LPA: variants seen among roughly 807,000 people sequenced by gnomAD.
The protein encoded by LPA is apolipoprotein(a).
LPA carries 199 observed loss-of-function variants against 197.9 expected under a neutral mutation model. The ratio of observed to expected loss-of-function variants is 1.01; its 90% CI spans 0.90 to 1.13. The LOEUF is 1.13. LPA is among the 50% of genes most tolerant of loss of function. The probability of loss-of-function intolerance (pLI) is 0.00; values close to 1 mark genes in which losing one functional copy is unlikely to be tolerated. For missense variants in LPA, 1,853 were observed against 1,785.8 expected (o/e 1.04, Z -0.68); for synonymous variants, 715 against 639.5 (o/e 1.12, Z -1.78).
At chr6:160,553,437 C>T (rs1328131923) in intron 30 of LPA, among the ~76,000 whole-genome samples, 1 of 152,054 alleles carries the variant, frequency 6.6e-6, no homozygotes, top group Non-Finnish European at 1.5e-5. Context: ...ATTTACATCA[C>T]GTTTATTTTA....
intron 26 of LPA, among the ~76,000 whole-genome samples, chr6:160,579,106 C>A (rs1778742022): frequency 6.6e-6 from 1 of 151,858 alleles, no homozygotes; most frequent in Non-Finnish European, 1.5e-5. Context: ...AGCTCTTTGT[C>A]TCTCTCTCTA....
chr6:160,647,258 C>G (rs1025950253), intron 2 of LPA, among the ~76,000 whole-genome samples: 2 of 152,042 alleles, frequency 1.3e-5, no homozygotes, highest in Non-Finnish European at 2.9e-5. Context: ...TATGGAGGAG[C>G]AAAAAACAAT....
chr6:160,611,117 T>C (rs144005062), intron 16 of LPA, among the ~76,000 whole-genome samples: 76 of 152,172 alleles, frequency 5.0e-4, no homozygotes, highest in Non-Finnish European at 7.8e-4. Flanking sequence ...CAGGTAGAAA[T>C]AGAAACAGAT....
chr6:160,575,559 C>T (rs933705346), intron 28 of LPA, among the ~76,000 whole-genome samples: 1 of 152,178 alleles, frequency 6.6e-6, no homozygotes, highest in Non-Finnish European at 1.5e-5. Flanking sequence ...TTCTGACTTG[C>T]TTTTCAATTT....
chr6:160,606,392 T>C (rs367750940), intron 17 of LPA, 85 bp downstream of exon 17: 18 of 1,541,446 alleles, frequency 1.2e-5, no homozygotes, highest in African/African-American at 6.8e-5. Flanking sequence ...CCGTTTACCA[T>C]TGGAGGCTGC....
In LPA at chr6:160,583,991, T is replaced by C. The variant is rs553728010; in HGVS notation, c.4289+1055A>G. On this transcript the variant is annotated intron_variant, in intron 26 of 38. Transcript: ENST00000316300. ...GAGGCCAGTTTTTGTCAGACATGCA[T>C]TTTTTTGTCCATGTACCTGCCCATT... Among the ~76,000 whole-genome samples, 8 of 152,276 alleles carry C rather than the reference T, an allele frequency of 5.3e-5. No individual in the cohort carries two copies. The South Asian group carries it at 1.7e-3, about 32-fold the overall frequency.
At chr6:160,597,408 T>C (rs544248388) in intron 20 of LPA, among the ~76,000 whole-genome samples, 3 of 152,320 alleles carry the variant, frequency 2.0e-5, no homozygotes, top group African/African-American at 7.2e-5. Context: ...ATGAACAATT[T>C]TTACTTCTCT....
intron 24 of LPA, 150 bp downstream of exon 24, chr6:160,589,403 C>T: frequency 1.1e-6 from 1 of 893,858 alleles, no homozygotes. Context: ...CTCTCAGACC[C>T]TGTGCCCAAA....
intron 30 of LPA, among the ~76,000 whole-genome samples, chr6:160,550,019 G>A (rs569935602): frequency 6.6e-6 from 1 of 152,284 alleles, no homozygotes; most frequent in Non-Finnish European, 1.5e-5. Context: ...TCAACAGAGC[G>A]AGACCATCTT....
At chr6:160,544,119 A>G (rs1169323926) in intron 33 of LPA, among the ~76,000 whole-genome samples, 1 of 152,200 alleles carries the variant, frequency 6.6e-6, no homozygotes, top group African/African-American at 2.4e-5. Context: ...AAGCTACTGC[A>G]CTTCCCTTCC....
chr6:160,606,882 G>A (rs545839613), intron 16 of LPA, among the ~76,000 whole-genome samples: 10 of 152,192 alleles, frequency 6.6e-5, no homozygotes, highest in African/African-American at 2.2e-4. Context: ...ATCTAAAGTA[G>A]CAAACGCTTC....
chr6:160,648,443 T>A (rs1346163390), intron 2 of LPA, among the ~76,000 whole-genome samples: 1 of 152,212 alleles, frequency 6.6e-6, no homozygotes, highest in Non-Finnish European at 1.5e-5. Context: ...TATATATTTC[T>A]GTTCCAATCT....
At chr6:160,593,238 A>G (rs1393182618) in intron 22 of LPA, among the ~76,000 whole-genome samples, 1 of 152,092 alleles carries the variant, frequency 6.6e-6, no homozygotes, top group Non-Finnish European at 1.5e-5. Flanking sequence ...GGGACATGAT[A>G]AGGTTGATCT....
intron 27 of LPA, among the ~76,000 whole-genome samples, chr6:160,578,280 A>C (rs1778722448): frequency 6.6e-6 from 1 of 152,060 alleles, no homozygotes; most frequent in Non-Finnish European, 1.5e-5. Flanking sequence ...GGGGAGTGGT[A>C]AGTCCAGTGC....
At chr6:160,584,761 A>G (rs1479070594) in intron 26 of LPA, among the ~76,000 whole-genome samples, 1 of 152,162 alleles carries the variant, frequency 6.6e-6, no homozygotes, top group African/African-American at 2.4e-5. Context: ...GTGGAATGAT[A>G]CTTTGTCTCA....
chr6:160,546,051 A>T (rs1321472852), intron 32 of LPA, among the ~76,000 whole-genome samples: 1 of 152,194 alleles, frequency 6.6e-6, no homozygotes, highest in Non-Finnish European at 1.5e-5. Flanking sequence ...CCCAGTTCTT[A>T]ACACAGAGCT....
At chr6:160,551,238 A>G (rs1485031334) in intron 30 of LPA, among the ~76,000 whole-genome samples, 1 of 152,160 alleles carries the variant, frequency 6.6e-6, no homozygotes, top group African/African-American at 2.4e-5. Context: ...ATCCATGTCC[A>G]TTGGGTGTTT....
At chr6:160,596,711 G>A (rs1779140172) in intron 20 of LPA, among the ~76,000 whole-genome samples, 1 of 152,102 alleles carries the variant, frequency 6.6e-6, no homozygotes. Context: ...TAACCTCATG[G>A]ACTGTCTCTG....
chr6:160,548,224 A>C (rs181387670), intron 31 of LPA, among the ~76,000 whole-genome samples: 24 of 152,316 alleles, frequency 1.6e-4, no homozygotes, highest in Non-Finnish European at 2.8e-4. Context: ...GTGAGTGGTT[A>C]AGTTGAGCAC....
Sources: allele counts gnomAD v4.1 joint callset (sites outside exome capture counted in the v4.1 genomes callset), GRCh38; gene constraint gnomAD v4.1.1; transcripts MANE v1.5; gene names NCBI Gene and HGNC (gene_info 2026-07-23, HGNC 2026-07-21).